The following ACLY variants were observed in gnomAD, a reference collection of about 807,000 sequenced individuals.
The protein encoded by ACLY is ATP citrate lyase.
A neutral mutation model predicts 133.0 loss-of-function variants in ACLY; 41 were observed. The ratio of observed to expected loss-of-function variants is 0.31; its 90% CI spans 0.24 to 0.40. ACLY has a LOEUF of 0.40. Ranked by LOEUF, ACLY falls within the 10% of genes least tolerant of loss-of-function variation. The pLI is 1.00. For synonymous variants in ACLY, 495 were observed against 549.3 expected (o/e 0.90, Z 1.38); for missense variants, 1,046 against 1,453.8 (o/e 0.72, Z 4.56).
Position 41,900,828 on chromosome 17 carries a change from C to T in ACLY, c.1183+868G>A, listed in dbSNP as rs1052952003. On this transcript the variant is annotated intron_variant, in intron 11 of 28. Transcript: ENST00000352035. The stretch of plus-strand genomic sequence containing the variant: ...AGTCCTCCTGTGACCTGTAGTGTCT[C>T]GCTGCCACTCTCTCAGTCCCAGCCC... Among the ~76,000 whole-genome samples, 10 of 152,062 alleles carry T rather than the reference C, an allele frequency of 6.6e-5. No homozygotes were observed. In the South Asian group the frequency reaches 2.1e-3, roughly 32 times the overall value.
chr17:41,929,640 CA>C (rs1288563507), intron 1 of ACLY, among the ~76,000 whole-genome samples: 2 of 152,184 alleles, frequency 1.3e-5, no homozygotes, highest in Non-Finnish European at 2.9e-5. Context: ...CTCCTTCAAG[CA>C]GGGACCATAT....
chr17:41,909,185 C>A (rs1555633197), intron 5 of ACLY, 117 bp from the exon 6 acceptor site: 4 of 789,552 alleles, frequency 5.1e-6, no homozygotes, highest in Non-Finnish European at 6.5e-6. Flanking sequence ...CTAAACGCAC[C>A]CCACTGGCCC....
At chr17:41,929,189 C>T (rs1436580690) in intron 1 of ACLY, among the ~76,000 whole-genome samples, 4 of 151,598 alleles carry the variant, frequency 2.6e-5, no homozygotes, top group South Asian at 2.1e-4. Context: ...CGACCTCCCA[C>T]GCTCAAGTGA....
chr17:41,871,920 G>C lies in ACLY; in HGVS notation c.2794-88C>G. On this transcript the variant is annotated intron_variant, in intron 24 of 28. Coordinates refer to ENST00000352035, the MANE Select transcript of ACLY (RefSeq NM_001096.3). ...AACCCAGTGTGTCCCGAACGGCCCT[G>C]AGCACTGGGTTTTACACTCAGGGGC... 4 of 1,595,676 alleles carry C rather than the reference G, an allele frequency of 2.5e-6. No homozygotes were observed. In the South Asian group the frequency reaches 4.5e-5, roughly 18 times the overall value.
chr17:41,899,792 C>A (rs2049475884), intron 11 of ACLY, among the ~76,000 whole-genome samples: 2 of 152,036 alleles, frequency 1.3e-5, no homozygotes, highest in Admixed American at 1.3e-4. Flanking sequence ...ACCTGTAATC[C>A]CAACACTTTG....
At chr17:41,920,150 C>A (rs2050159619), upstream of ACLY, among the ~76,000 whole-genome samples, 1 of 152,212 alleles carries the variant, frequency 6.6e-6, no homozygotes, top group South Asian at 2.1e-4. Flanking sequence ...TTCTCCAAGA[C>A]CCCCTCCCCC....
upstream of ACLY, among the ~76,000 whole-genome samples, chr17:41,923,770 G>A (rs532687283): frequency 1.1e-3 from 172 of 152,262 alleles, no homozygotes; most frequent in African/African-American, 4.1e-3. Flanking sequence ...GCAGCCTGGA[G>A]AAGGGTCTAC....
chr17:41,868,496 G>A (rs567886461), intron 28 of ACLY, among the ~76,000 whole-genome samples: 1 of 145,260 alleles, frequency 6.9e-6, no homozygotes, highest in South Asian at 2.2e-4. Flanking sequence ...AAGGAACAAT[G>A]ATAAAGATAA....
chr17:41,915,160 A>C (rs1224663331), intron 1 of ACLY, among the ~76,000 whole-genome samples: 3 of 152,134 alleles, frequency 2.0e-5, no homozygotes, highest in African/African-American at 4.8e-5. Flanking sequence ...TAAGAATTTC[A>C]TCATCTCCCC....
Position 41,907,466 on chromosome 17 carries a change from G to A in ACLY, c.723C>T (p.Pro241=). ...CCTCTGGATATGCCTCCCGCCCGAA[G>A]GGGGGAGGGAACTCGATGTCACCCC... ...VKWGDIEFPP[P]FGREAYPEEA... is the part of the protein sequence containing the mutation. The change falls in exon 7 of 29, where the codon CCC becomes CCT. Residue 241 remains proline (P), a synonymous_variant. Coordinates refer to ENST00000352035, the MANE Select transcript of ACLY (RefSeq NM_001096.3). 6.2e-7 allele frequency: 1 copy of A among 1,613,556 alleles called. No homozygotes were observed. The highest frequency in any genetic ancestry group is 2.2e-5 in the East Asian group (1 of 44,848).
chr17:41,905,444 G>C, intron 9 of ACLY, 78 bp downstream of exon 9: 2 of 1,587,180 alleles, frequency 1.3e-6, no homozygotes, highest in Non-Finnish European at 1.7e-6. Context: ...TGACTCCTCA[G>C]ACGAAGCTGT....
Position 41,876,893 on chromosome 17 carries a change from A to G in ACLY, c.2487+1210T>C, listed in dbSNP as rs528972453. Among the ~76,000 whole-genome samples, 14 of 152,084 alleles carry G rather than the reference A, an allele frequency of 9.2e-5. No homozygotes were observed. The East Asian group carries it at 2.7e-3, about 29-fold the overall frequency. On this transcript the variant is annotated intron_variant, in intron 22 of 28. Coordinates refer to ENST00000352035, the MANE Select transcript of ACLY (RefSeq NM_001096.3). ...AAATCCCCCTCTGCGAGAAACACCC[A>G]AGAATGATCAATACAAAAAAATAAA...
At chr17:41,914,680 T>G (rs974286690) in intron 1 of ACLY, among the ~76,000 whole-genome samples, 6 of 152,148 alleles carry the variant, frequency 3.9e-5, no homozygotes, top group Non-Finnish European at 7.4e-5. Context: ...CAAAACTCAC[T>G]AAGAAGAACA....
At chr17:41,902,290 T>C (rs1389609772) in intron 10 of ACLY, among the ~76,000 whole-genome samples, 7 of 152,222 alleles carry the variant, frequency 4.6e-5, no homozygotes, top group Non-Finnish European at 7.3e-5. Context: ...CTCGGCTCAC[T>C]GCAACCTCTG....
chr17:41,893,796 T>A (rs894216658), intron 14 of ACLY, among the ~76,000 whole-genome samples: 4 of 152,192 alleles, frequency 2.6e-5, no homozygotes, highest in Admixed American at 2.6e-4. Context: ...AGCAGCAAGC[T>A]AGTTACACAG....
intron 22 of ACLY, among the ~76,000 whole-genome samples, chr17:41,876,310 C>T (rs1439912008): frequency 1.4e-4 from 21 of 151,000 alleles, no homozygotes; most frequent in African/African-American, 3.9e-4. Flanking sequence ...GCCCCCCGCC[C>T]GGCCAGCCGC....
chr17:41,924,206 G>A (rs1254357118), intron 1 of ACLY, among the ~76,000 whole-genome samples: 5 of 151,770 alleles, frequency 3.3e-5, no homozygotes, highest in East Asian at 1.9e-4. Flanking sequence ...GTGCAGTGGC[G>A]TGATCTCGGC....
At chr17:41,909,834 C>G (rs2049844976) in intron 4 of ACLY, 134 bp from the exon 5 acceptor site, 1 of 769,562 alleles carries the variant, frequency 1.3e-6, no homozygotes, top group Admixed American at 2.9e-5. Flanking sequence ...TTTCTAAAAC[C>G]CAGTGAAAAC....
upstream of ACLY, among the ~76,000 whole-genome samples, chr17:41,921,082 C>T (rs2050175863): frequency 6.8e-6 from 1 of 147,672 alleles, no homozygotes; most frequent in African/African-American, 2.5e-5. Context: ...GCCGAGATCG[C>T]ACCAGTGCAC....
Sources: gnomAD v4.1 joint callset for allele counts (sites outside exome capture counted in the v4.1 genomes callset) on GRCh38, gnomAD v4.1.1 for gene constraint, MANE v1.5 for transcripts, NCBI Gene and HGNC (gene_info 2026-07-23, HGNC 2026-07-21) for gene names.